The following ANKRD30BL variants were observed in gnomAD, a reference collection of about 807,000 sequenced individuals.
ANKRD30BL encodes the protein putative ankyrin repeat domain-containing protein 30B-like.
A neutral mutation model predicts 18.4 loss-of-function variants in ANKRD30BL; 20 were observed. That is an observed-to-expected ratio of 1.09 (90% CI 0.77 to 1.58). The LOEUF (loss-of-function observed/expected upper bound fraction) is 1.58. Among genes scored for constraint, ANKRD30BL ranks in the 40% most tolerant of loss-of-function variants. ANKRD30BL has a pLI of 0.00. For synonymous variants in ANKRD30BL, 72 were observed against 100.9 expected, an observed-to-expected ratio of 0.71 and a Z score of 1.72; for missense variants, 224 against 268.6, an observed-to-expected ratio of 0.83 and a Z score of 1.16.
At chr2:132,251,356 T>A (rs1465149984) in intron 1 of ANKRD30BL, among the ~76,000 whole-genome samples, 4 of 152,154 alleles carry the variant, frequency 2.6e-5, no homozygotes, top group African/African-American at 9.7e-5. Context: ...ATGTGTTCTG[T>A]TCATTTTTAT....
chr2:132,255,018 A>G (rs1022528494), intron 1 of ANKRD30BL, among the ~76,000 whole-genome samples: 8 of 152,108 alleles, frequency 5.3e-5, no homozygotes, highest in African/African-American at 1.9e-4. Flanking sequence ...TTTAAGTTTC[A>G]GCTTTGCAAC....
At chr2:132,238,020 T>A (rs531688267) in intron 1 of ANKRD30BL, among the ~76,000 whole-genome samples, 8 of 152,168 alleles carry the variant, frequency 5.3e-5, no homozygotes, top group African/African-American at 1.4e-4. Flanking sequence ...TGCATTCAAA[T>A]CACAGATTCG....
At chr2:132,199,048 A>G (rs1460359445) in intron 1 of ANKRD30BL, among the ~76,000 whole-genome samples, 1 of 152,190 alleles carries the variant, frequency 6.6e-6, no homozygotes, top group African/African-American at 2.4e-5. Flanking sequence ...AGCATGGCAA[A>G]GGATTAGAAA....
intron 1 of ANKRD30BL, among the ~76,000 whole-genome samples, chr2:132,204,645 G>T (rs1679175011): frequency 6.6e-6 from 1 of 152,082 alleles, no homozygotes; most frequent in Non-Finnish European, 1.5e-5. Context: ...CAGCAACACA[G>T]AAGAGAAATG....
intron 1 of ANKRD30BL, among the ~76,000 whole-genome samples, chr2:132,202,057 C>T (rs1679109683): frequency 6.6e-6 from 1 of 152,186 alleles, no homozygotes; most frequent in East Asian, 1.9e-4. Flanking sequence ...AAACCAAACA[C>T]CGCATATTCT....
chr2:132,232,584 A>T (rs1680052897), intron 1 of ANKRD30BL, among the ~76,000 whole-genome samples: 2 of 152,192 alleles, frequency 1.3e-5, no homozygotes, highest in African/African-American at 4.8e-5. Context: ...AAAGGGTATC[A>T]GCAATGGAAG....
chr2:132,219,064 A>G (rs1344460829), intron 1 of ANKRD30BL, among the ~76,000 whole-genome samples: 1 of 151,790 alleles, frequency 6.6e-6, no homozygotes, highest in Non-Finnish European at 1.5e-5. Flanking sequence ...TTGATAGAGT[A>G]GGTTGAAACA....
Position 132,175,439 on chromosome 2 carries a change from A to G in ANKRD30BL, n.442-18293T>C, listed in dbSNP as rs918713759. 6.6e-5 allele frequency among the ~76,000 whole-genome samples: 10 copies of G among 152,334 alleles called. No homozygotes were observed. The South Asian group carries it at 8.3e-4, about 13-fold the overall frequency. On this transcript the variant is annotated intron_variant and non_coding_transcript_variant, in intron 1 of 4. Coordinates refer to the ANKRD30BL transcript ENST00000470729. ...CCAACATGTCTTGCCTCCTGCCATAAGGTGGTTTTTCTCCTATCTCAGAAT... is the reference window on the plus strand; with the variant it reads ...CCAACATGTCTTGCCTCCTGCCATAGGGTGGTTTTTCTCCTATCTCAGAAT...
chr2:132,157,263 T>C, intron 2 of ANKRD30BL, 46 bp downstream of exon 2: 2 of 918,288 alleles, frequency 2.2e-6, no homozygotes, highest in Non-Finnish European at 1.7e-6. Flanking sequence ...ATTCTATGTA[T>C]TTAAACCAAA....
At chr2:132,202,521 AC>A (rs1404176470) in intron 1 of ANKRD30BL, among the ~76,000 whole-genome samples, 14 of 151,874 alleles carry the variant, frequency 9.2e-5, no homozygotes, top group Non-Finnish European at 2.1e-4. Flanking sequence ...AAAAAATAAA[AC>A]CCTGAATCCA....
At chr2:132,192,936 G>A (rs573709895) in intron 1 of ANKRD30BL, among the ~76,000 whole-genome samples, 116 of 152,370 alleles carry the variant, frequency 7.6e-4, no homozygotes, top group African/African-American at 2.2e-3. Flanking sequence ...GCCGTAGTCA[G>A]TGGGTGAATC....
intron 1 of ANKRD30BL, among the ~76,000 whole-genome samples, chr2:132,222,938 G>A (rs200003826): frequency 1.6e-5 from 2 of 127,948 alleles, no homozygotes; most frequent in Non-Finnish European, 3.3e-5. Flanking sequence ...AAGGAAATAT[G>A]TTCACATAAA....
At chr2:132,186,134 AAAAG>A (rs1688556136) in intron 1 of ANKRD30BL, among the ~76,000 whole-genome samples, 1 of 151,940 alleles carries the variant, frequency 6.6e-6, no homozygotes, top group Admixed American at 6.6e-5. Flanking sequence ...CTCAAAAAAA[AAAAG>A]AAAGAAAAAT....
At chr2:132,227,196 C>T (rs530874134) in intron 1 of ANKRD30BL, among the ~76,000 whole-genome samples, 13 of 150,312 alleles carry the variant, frequency 8.6e-5, no homozygotes, top group Middle Eastern at 3.6e-3. Context: ...TCGTTGGAAA[C>T]GGGAATATCT....
At chr2:132,256,130 C>G (rs991895856) in intron 1 of ANKRD30BL, among the ~76,000 whole-genome samples, 1 of 152,222 alleles carries the variant, frequency 6.6e-6, no homozygotes, top group Non-Finnish European at 1.5e-5. Flanking sequence ...ACCAGCCCTG[C>G]GTACTTAGAC....
chr2:132,256,518 C>A (rs72869442), intron 1 of ANKRD30BL, among the ~76,000 whole-genome samples: 8 of 152,222 alleles, frequency 5.3e-5, no homozygotes, highest in African/African-American at 1.4e-4. Flanking sequence ...GAAGGAGAGG[C>A]GGACCGCGGT....
At chr2:132,251,330 G>A (rs552273833) in intron 1 of ANKRD30BL, among the ~76,000 whole-genome samples, 1 of 152,236 alleles carries the variant, frequency 6.6e-6, no homozygotes, top group South Asian at 2.1e-4. Context: ...ATTTTTGTAC[G>A]TGTGTATGTG....
chr2:132,198,937 G>T (rs1197609158), intron 1 of ANKRD30BL, among the ~76,000 whole-genome samples: 1 of 152,054 alleles, frequency 6.6e-6, no homozygotes, highest in African/African-American at 2.4e-5. Flanking sequence ...TATTTTTAAG[G>T]TTTCATTTGT....
chr2:132,247,843 C>T (rs1056367694), intron 1 of ANKRD30BL, among the ~76,000 whole-genome samples: 1 of 151,734 alleles, frequency 6.6e-6, no homozygotes, highest in Non-Finnish European at 1.5e-5. Flanking sequence ...ATTGTGCATT[C>T]ATAAGAAAGT....
Sources: allele counts gnomAD v4.1 joint callset (sites outside exome capture counted in the v4.1 genomes callset), GRCh38; gene constraint gnomAD v4.1.1; transcripts MANE v1.5; gene names NCBI Gene and HGNC (gene_info 2026-07-23, HGNC 2026-07-21).